The following EIF3L variants were observed in gnomAD, a reference collection of about 807,000 sequenced individuals.
EIF3L encodes the protein eukaryotic translation initiation factor 3 subunit L.
In EIF3L, 32 loss-of-function variants were observed where a neutral mutation model predicts 74.6. The ratio of observed to expected loss-of-function variants is 0.43; its 90% CI spans 0.32 to 0.58. The LOEUF (loss-of-function observed/expected upper bound fraction) is 0.58, where lower values mean the gene tolerates loss of function less well. EIF3L is among the 20% of genes least tolerant of loss of function. The pLI is 0.06. For missense variants in EIF3L, 474 were observed against 707.8 expected (o/e 0.67, Z 3.75); for synonymous variants, 256 against 254.4 (o/e 1.01, Z -0.06).
At chr22:37,867,721 G>A (rs1250047235) in intron 7 of EIF3L, among the ~76,000 whole-genome samples, 1 of 150,464 alleles carries the variant, frequency 6.6e-6, no homozygotes, top group African/African-American at 2.4e-5. Context: ...TTGGGAGGCC[G>A]AGGCAGGCGG....
chr22:37,888,118 C>A, intron 12 of EIF3L: 1 of 304,590 alleles, frequency 3.3e-6, no homozygotes, highest in East Asian at 5.8e-5. Context: ...GCTTCTCATT[C>A]TTCCCCTAAC....
intron 11 of EIF3L, chr22:37,880,871 C>T: frequency 6.6e-6 from 1 of 152,312 alleles, no homozygotes; most frequent in South Asian, 2.1e-4. Context: ...AGTCTGGCTT[C>T]TTTTGCTCAA....
chr22:37,852,853 T>TAAG (rs59982875), intron 3 of EIF3L, among the ~76,000 whole-genome samples: 20,201 of 151,724 alleles, frequency 0.13, 2,513 homozygotes, highest in African/African-American at 0.33. Context: ...GGTTAGTTAG[T>TAAG]GAGGAGAGAG....
chr22:37,858,781 T>G (rs1448230238), intron 5 of EIF3L, 41 bp downstream of exon 5: 21 of 1,551,768 alleles, frequency 1.4e-5, no homozygotes, highest in Non-Finnish European at 1.8e-5. Context: ...TGTTTTTGTT[T>G]TTTTAACTCT....
At chr22:37,874,805 T>C (rs2145831515) in intron 9 of EIF3L, among the ~76,000 whole-genome samples, 1 of 152,122 alleles carries the variant, frequency 6.6e-6, no homozygotes, top group East Asian at 1.9e-4. Context: ...CTCAGCTCAT[T>C]GCAACCTCCG....
At chr22:37,853,655 T>G (rs532208167) in intron 3 of EIF3L, among the ~76,000 whole-genome samples, 3 of 152,194 alleles carry the variant, frequency 2.0e-5, no homozygotes, top group Non-Finnish European at 4.4e-5. Context: ...TAGCTAGACA[T>G]TAATTTTAAT....
intron 3 of EIF3L, among the ~76,000 whole-genome samples, chr22:37,854,435 G>T (rs1380723237): frequency 2.0e-5 from 3 of 152,046 alleles, no homozygotes; most frequent in Non-Finnish European, 4.4e-5. Context: ...GTCACTGAGT[G>T]GCTTTGTGTT....
intron 7 of EIF3L, among the ~76,000 whole-genome samples, chr22:37,866,853 C>T (rs1926178360): frequency 6.6e-6 from 1 of 152,026 alleles, no homozygotes; most frequent in African/African-American, 2.4e-5. Flanking sequence ...GTTTAATATA[C>T]AATAAAATGT....
intron 8 of EIF3L, among the ~76,000 whole-genome samples, chr22:37,871,036 G>T (rs1926442271): frequency 6.6e-6 from 1 of 152,054 alleles, no homozygotes; most frequent in Non-Finnish European, 1.5e-5. Context: ...GCTGAGGTGG[G>T]AGGATTGCTT....
chr22:37,850,280 C>T (rs1925117224), intron 2 of EIF3L, among the ~76,000 whole-genome samples: 1 of 152,104 alleles, frequency 6.6e-6, no homozygotes, highest in African/African-American at 2.4e-5. Flanking sequence ...ACTTACCTGG[C>T]TATGGTTTTC....
intron 7 of EIF3L, among the ~76,000 whole-genome samples, chr22:37,869,949 T>C (rs1926383887): frequency 6.6e-6 from 1 of 152,166 alleles, no homozygotes; most frequent in Admixed American, 6.6e-5. Flanking sequence ...CCTAGAGATT[T>C]TTACTTCACT....
At chr22:37,849,689 C>T (rs1925058874) in intron 1 of EIF3L, 2 of 628,844 alleles carry the variant, frequency 3.2e-6, no homozygotes, top group Non-Finnish European at 5.5e-6. Context: ...GCTTGTCCTT[C>T]CCCTTTCTAA....
intron 5 of EIF3L, among the ~76,000 whole-genome samples, chr22:37,861,418 G>T (rs1925848879): frequency 6.6e-6 from 1 of 152,170 alleles, no homozygotes; most frequent in Non-Finnish European, 1.5e-5. Flanking sequence ...AGGCGCTGTG[G>T]CTTACGCCTG....
At chr22:37,854,762 T>C (rs555609909) in intron 3 of EIF3L, among the ~76,000 whole-genome samples, 1 of 152,348 alleles carries the variant, frequency 6.6e-6, no homozygotes, top group South Asian at 2.1e-4. Flanking sequence ...CCAGCGCGCC[T>C]GGCCTGTTTC....
intron 3 of EIF3L, among the ~76,000 whole-genome samples, chr22:37,854,021 C>T (rs539424609): frequency 1.3e-5 from 2 of 152,336 alleles, no homozygotes; most frequent in South Asian, 2.1e-4. Context: ...TTGCATTGGG[C>T]AGTGCCCGCA....
chr22:37,859,422 C>G (rs564227080), intron 5 of EIF3L, among the ~76,000 whole-genome samples: 29 of 134,602 alleles, frequency 2.2e-4, no homozygotes, highest in Admixed American at 6.8e-4. Context: ...CGCTCTGTCG[C>G]CCAGGCTGGA....
intron 11 of EIF3L, chr22:37,880,352 A>G (rs1379504137): frequency 3.3e-5 from 5 of 151,902 alleles, no homozygotes; most frequent in Admixed American, 1.3e-4. Flanking sequence ...TGACCTCGTG[A>G]TCCACCCACC....
chr22:37,850,848 TATAGC>T (rs1925166605), intron 2 of EIF3L, among the ~76,000 whole-genome samples: 1 of 152,208 alleles, frequency 6.6e-6, no homozygotes. Context: ...GAATAGAAAA[TATAGC>T]AGAGAGGTTT....
intron 3 of EIF3L, among the ~76,000 whole-genome samples, chr22:37,853,956 G>A (rs1390493706): frequency 6.6e-6 from 1 of 152,216 alleles, no homozygotes; most frequent in Non-Finnish European, 1.5e-5. Context: ...GCAACTAACT[G>A]AAATTTAAAA....
Sources: allele counts gnomAD v4.1 joint callset (sites outside exome capture counted in the v4.1 genomes callset), GRCh38; gene constraint gnomAD v4.1.1; transcripts MANE v1.5; gene names NCBI Gene and HGNC (gene_info 2026-07-23, HGNC 2026-07-21).